ITFG1: variants seen among roughly 807,000 people sequenced by gnomAD.
ITFG1 encodes integrin alpha FG-GAP repeat containing 1.
In ITFG1, 34 loss-of-function variants were observed where a neutral mutation model predicts 81.8. The ratio of observed to expected loss-of-function variants is 0.42; its 90% CI spans 0.32 to 0.55. The LOEUF (loss-of-function observed/expected upper bound fraction) is 0.55, where lower values mean the gene tolerates loss of function less well. Ranked by LOEUF, ITFG1 falls within the 20% of genes least tolerant of loss-of-function variation. The pLI, the probability that ITFG1 is intolerant of heterozygous loss-of-function variation, is 0.17. For synonymous variants in ITFG1, 285 were observed against 270.6 expected (o/e 1.05, Z -0.52); for missense variants, 672 against 755.4 (o/e 0.89, Z 1.29).
intron 6 of ITFG1, among the ~76,000 whole-genome samples, chr16:47,389,251 C>T (rs143843900): frequency 6.6e-6 from 1 of 152,084 alleles, no homozygotes; most frequent in East Asian, 1.9e-4. Context: ...AAAAATGGTG[C>T]AATTAGTAAA....
At chr16:47,163,946 C>CAT in intron 14 of ITFG1, among the ~76,000 whole-genome samples, 1 of 149,054 alleles carries the variant, frequency 6.7e-6, no homozygotes, top group African/African-American at 2.6e-5. Context: ...CACACACACA[C>CAT]ACACACATAC....
At chr16:47,450,917 C>T (rs1054156845) in intron 5 of ITFG1, among the ~76,000 whole-genome samples, 1 of 152,166 alleles carries the variant, frequency 6.6e-6, no homozygotes. Flanking sequence ...AGCACACATA[C>T]TGGTGAAGGA....
intron 14 of ITFG1, among the ~76,000 whole-genome samples, chr16:47,174,584 G>A (rs550791762): frequency 2.0e-5 from 3 of 151,956 alleles, no homozygotes; most frequent in Admixed American, 6.5e-5. Context: ...GCAGTGGTAC[G>A]ATCTCGGCTC....
At chr16:47,286,443 C>T (rs1286349360) in intron 10 of ITFG1, among the ~76,000 whole-genome samples, 4 of 152,036 alleles carry the variant, frequency 2.6e-5, no homozygotes, top group Non-Finnish European at 5.9e-5. Context: ...AGTTCTAGAC[C>T]AGCCTGGCCA....
intron 14 of ITFG1, among the ~76,000 whole-genome samples, chr16:47,212,307 G>C (rs1409717297): frequency 6.6e-6 from 1 of 151,942 alleles, no homozygotes; most frequent in Admixed American, 6.6e-5. Context: ...TTGACCTCCA[G>C]GGCTCAAGTG....
chr16:47,416,394 A>T (rs1056094819), intron 6 of ITFG1, among the ~76,000 whole-genome samples: 1 of 152,192 alleles, frequency 6.6e-6, no homozygotes, highest in African/African-American at 2.4e-5. Context: ...TTCATACATT[A>T]CTTGTTTTTT....
At chr16:47,395,156 C>G (rs1968578941) in intron 6 of ITFG1, among the ~76,000 whole-genome samples, 1 of 152,016 alleles carries the variant, frequency 6.6e-6, no homozygotes, top group Non-Finnish European at 1.5e-5. Context: ...GACTTTAGTT[C>G]ACAGTAAACT....
chr16:47,280,792 A>G (rs1300344870), intron 10 of ITFG1, among the ~76,000 whole-genome samples: 1 of 152,116 alleles, frequency 6.6e-6, no homozygotes, highest in Non-Finnish European at 1.5e-5. Context: ...GCTTGAGTCC[A>G]ACGACCAATG....
At chr16:47,398,758 CA>C (rs1968622805) in intron 6 of ITFG1, among the ~76,000 whole-genome samples, 6 of 152,192 alleles carry the variant, frequency 3.9e-5, no homozygotes, top group Admixed American at 1.3e-4. Context: ...ACCAAAAAGT[CA>C]CTTATTCCTT....
At chr16:47,291,515 T>C (rs1966905476) in intron 10 of ITFG1, among the ~76,000 whole-genome samples, 1 of 152,230 alleles carries the variant, frequency 6.6e-6, no homozygotes. Flanking sequence ...TCATCTACTA[T>C]TTCATTAACC....
At chr16:47,405,667 T>C (rs1968719108) in intron 6 of ITFG1, among the ~76,000 whole-genome samples, 1 of 152,188 alleles carries the variant, frequency 6.6e-6, no homozygotes, top group Non-Finnish European at 1.5e-5. Context: ...ACTTACTCTG[T>C]AAGGTGATTG....
chr16:47,208,371 G>A (rs1326840002), intron 14 of ITFG1, among the ~76,000 whole-genome samples: 1 of 152,148 alleles, frequency 6.6e-6, no homozygotes, highest in Non-Finnish European at 1.5e-5. Flanking sequence ...AGAACTTTAA[G>A]GTGTTTGGTA....
At chr16:47,414,476 A>G (rs1596967986) in intron 6 of ITFG1, among the ~76,000 whole-genome samples, 1 of 152,086 alleles carries the variant, frequency 6.6e-6, no homozygotes, top group Non-Finnish European at 1.5e-5. Flanking sequence ...CGGTGAGCTG[A>G]GCTCCCGACA....
rs1965925278 is a variant in ITFG1 at position 47,240,916 on chromosome 16, A to T, written c.1331-2908T>A. 2.0e-5 allele frequency among the ~76,000 whole-genome samples: 3 copies of T among 152,194 alleles called. No individual in the cohort carries two copies. The South Asian group carries it at 6.2e-4, about 32-fold the overall frequency. On this transcript the variant is annotated intron_variant, in intron 12 of 17. Transcript: ENST00000320640. ...AAAGGGAGCTGTTTAATGGGTATAG[A>T]GTTTCAGCTTTGCAAGAAGAAAAAG...
intron 6 of ITFG1, among the ~76,000 whole-genome samples, chr16:47,402,714 C>T (rs1202951907): frequency 6.6e-6 from 1 of 152,072 alleles, no homozygotes; most frequent in African/African-American, 2.4e-5. Flanking sequence ...ATTTAAATGA[C>T]CAAATTAATC....
At chr16:47,357,285 G>C (rs1596926335) in intron 8 of ITFG1, among the ~76,000 whole-genome samples, 1 of 151,852 alleles carries the variant, frequency 6.6e-6, no homozygotes, top group South Asian at 2.1e-4. Context: ...TATTGAAAAG[G>C]CTGAGTATAC....
intron 10 of ITFG1, among the ~76,000 whole-genome samples, chr16:47,293,369 C>T (rs1025398727): frequency 2.6e-5 from 4 of 151,614 alleles, no homozygotes; most frequent in Non-Finnish European, 1.5e-5. Flanking sequence ...GAGTAGATAT[C>T]CAGTAGTGGG....
intron 8 of ITFG1, among the ~76,000 whole-genome samples, chr16:47,340,810 T>C (rs1177525079): frequency 6.6e-6 from 1 of 151,994 alleles, no homozygotes; most frequent in East Asian, 1.9e-4. Flanking sequence ...AGGTTGAAAG[T>C]GAAAGAATGG....
chr16:47,246,406 C>T (rs1322211713), intron 12 of ITFG1, among the ~76,000 whole-genome samples: 6 of 152,132 alleles, frequency 3.9e-5, no homozygotes, highest in Non-Finnish European at 8.8e-5. Context: ...CTACATAATA[C>T]AAATAGAGTA....
Sources: gnomAD v4.1 joint callset for allele counts (sites outside exome capture counted in the v4.1 genomes callset) on GRCh38, gnomAD v4.1.1 for gene constraint, MANE v1.5 for transcripts, NCBI Gene and HGNC (gene_info 2026-07-23, HGNC 2026-07-21) for gene names.